AKAP8L: variants seen among roughly 807,000 people sequenced by gnomAD.
AKAP8L encodes A-kinase anchoring protein 8 like, also known as A-kinase anchor protein 8-like.
A neutral mutation model predicts 77.5 loss-of-function variants in AKAP8L; 34 were observed. That is an observed-to-expected ratio of 0.44 (90% CI 0.33 to 0.58). The LOEUF (loss-of-function observed/expected upper bound fraction) is 0.58. Ranked by LOEUF, AKAP8L falls within the 20% of genes least tolerant of loss-of-function variation. The probability of loss-of-function intolerance (pLI) is 0.02; values close to 1 mark genes in which losing one functional copy is unlikely to be tolerated. For synonymous variants in AKAP8L, 342 were observed against 340.7 expected (o/e 1.00, Z -0.04); for missense variants, 806 against 887.6 (o/e 0.91, Z 1.17).
chr19:15,394,992 GT>G (rs1967739755), intron 12 of AKAP8L, among the ~76,000 whole-genome samples: 1 of 145,934 alleles, frequency 6.9e-6, no homozygotes, highest in South Asian at 2.1e-4. Context: ...TTAGGATCAA[GT>G]TTGAGTTTAT....
chr19:15,399,647 A>C lies in AKAP8L; in HGVS notation c.1049-237T>G, dbSNP rs1429956527. 1 of 556,872 alleles carries C rather than the reference A, an allele frequency of 1.8e-6. No homozygotes were observed. Among genetic ancestry groups the C allele is most frequent in the African/African-American group, 1.9e-5 (1 of 52,822 alleles). 34.5% of individuals were successfully genotyped at this position (556,872 alleles called of 1,614,324 possible). ...GACCCCTCCACTCTCCAGGACACCC[A>C]TGCTCTCTGTGCAGTGGGCCAGGAG... On this transcript the variant is annotated intron_variant, in intron 8 of 13. Transcript: ENST00000397410. The surrounding 1 kb of genome is among the most constrained non-coding windows in gnomAD (Gnocchi z 6.1).
chr19:15,401,092 C>T lies in AKAP8L; in HGVS notation c.817-49G>A, dbSNP rs1967886952. 6.2e-7 allele frequency: 1 copy of T among 1,607,824 alleles called. No individual in the cohort carries two copies. Among genetic ancestry groups the T allele is most frequent in the East Asian group, 2.2e-5 (1 of 44,868 alleles). On this transcript the variant is annotated intron_variant, in intron 5 of 13. Coordinates refer to ENST00000397410, the MANE Select transcript of AKAP8L (RefSeq NM_014371.4). The surrounding 1 kb of genome is among the most constrained non-coding windows in gnomAD (Gnocchi z 6.2). Reference sequence around the variant, plus strand: ...GTGTCAGGGTGCATGGCACCCGGCCCTTAGCTCCGCCCCAGTGGGAACTAA... The same window carrying T: ...GTGTCAGGGTGCATGGCACCCGGCCTTTAGCTCCGCCCCAGTGGGAACTAA...
intron 12 of AKAP8L, among the ~76,000 whole-genome samples, chr19:15,381,731 T>C (rs1035878111): frequency 2.6e-5 from 4 of 152,162 alleles, no homozygotes; most frequent in African/African-American, 9.7e-5. Flanking sequence ...CTATAGACCG[T>C]TCCCCCAGTG....
chr19:15,400,697 C>CTCTGCGTGCATGG, intron 7 of AKAP8L, 97 bp downstream of exon 7: 1 of 1,414,476 alleles, frequency 7.1e-7, no homozygotes, highest in Non-Finnish European at 9.8e-7. Context: ...GCACGCAGAG[C>CTCTGCGTGCATGG]TGACACAGCA....
Position 15,403,811 on chromosome 19 carries a change from G to T in AKAP8L, c.122-96C>A, listed in dbSNP as rs927468852. ...AAACACAGATACAAGGGTATCTTCT[G>T]TCACAGAGAGAGAAGACCCTAGCCA... On this transcript the variant is annotated intron_variant, in intron 3 of 13. Transcript: ENST00000397410. The surrounding 1 kb of genome is among the most constrained non-coding windows in gnomAD (Gnocchi z 4.3). The T allele has an allele frequency of 8.8e-7, 1 of 1,141,102 alleles. No individual in the cohort carries two copies. Among genetic ancestry groups the T allele is most frequent in the Non-Finnish European group, 1.3e-6 (1 of 781,150 alleles). 70.7% of individuals were successfully genotyped at this position (1,141,102 alleles called of 1,614,324 possible).
At chr19:15,400,906 G>C in intron 6 of AKAP8L, 41 bp downstream of exon 6, 1 of 1,613,954 alleles carries the variant, frequency 6.2e-7, no homozygotes, top group Non-Finnish European at 8.5e-7. Flanking sequence ...GGAGTTCCCA[G>C]AGGCAGGGGG....
chr19:15,384,505 G>A (rs946254862), intron 12 of AKAP8L, among the ~76,000 whole-genome samples: 5 of 151,370 alleles, frequency 3.3e-5, no homozygotes, highest in Non-Finnish European at 7.4e-5. Flanking sequence ...TCATTATGTT[G>A]GCCAGGCTGG....
chr19:15,398,459 G>A lies in AKAP8L; in HGVS notation c.1158-604C>T, dbSNP rs1967822473. 2 of 458,026 alleles carry A rather than the reference G, an allele frequency of 4.4e-6. No homozygotes were observed. Among genetic ancestry groups the A allele is most frequent in the Non-Finnish European group, 5.8e-6 (2 of 347,270 alleles). 28.4% of individuals were successfully genotyped at this position (458,026 alleles called of 1,614,324 possible). ...GAGACCAGTCTGAGCTGGAAGGAGG[G>A]CGCCCGCTCGGCCTGCCAGAGGGCA... is the stretch of plus-strand genomic sequence containing the variant. On this transcript the variant is annotated intron_variant, in intron 9 of 13. Transcript: ENST00000397410. This position sits in a 1 kb window ranked among gnomAD's most constrained non-coding sequence, Gnocchi z 9.2.
intron 1 of AKAP8L, among the ~76,000 whole-genome samples, chr19:15,415,746 T>C (rs369769198): frequency 9.2e-5 from 14 of 151,692 alleles, no homozygotes; most frequent in Admixed American, 2.0e-4. Flanking sequence ...ATTAGCCGGG[T>C]GTGGTGGCGG....
chr19:15,409,360 G>A (rs191715828), intron 2 of AKAP8L, among the ~76,000 whole-genome samples: 358 of 152,322 alleles, frequency 2.4e-3, no homozygotes, highest in African/African-American at 8.0e-3. Context: ...GGGCAGCACA[G>A]GGAAGTCAAG....
rs1967813922 is a variant in AKAP8L, at chr19:15,398,026, C to T, written c.1158-171G>A. 6 of 737,002 alleles carry T rather than the reference C, an allele frequency of 8.1e-6. No individual in the cohort carries two copies. The highest frequency in any genetic ancestry group is 1.8e-5 in the African/African-American group (1 of 56,318). The allele number at this position is 737,002 out of a possible 1,614,324, so 45.7% of individuals were successfully genotyped here. A position where few individuals can be genotyped will look rare whatever the true frequency, so the allele number is the denominator to read the frequency against. The stretch of plus-strand genomic sequence containing the variant: ...CCAGTGGGGTCGGGAGTAGAAAGGG[C>T]CAGAAAGTCTGCAGGCTGCAGTTAC... On this transcript the variant is annotated intron_variant, in intron 9 of 13. Transcript: ENST00000397410. This position sits in a 1 kb window ranked among gnomAD's most constrained non-coding sequence, Gnocchi z 9.2.
chr19:15,384,365 T>C (rs1301728841), intron 12 of AKAP8L, among the ~76,000 whole-genome samples: 2 of 149,328 alleles, frequency 1.3e-5, no homozygotes, highest in Non-Finnish European at 3.0e-5. Flanking sequence ...AATGGCGCGA[T>C]CTTGGCTCAC....
In AKAP8L at chr19:15,399,699, C is replaced by A; in HGVS notation, c.1049-289G>T. 2.2e-6 allele frequency: 1 copy of A among 449,364 alleles called. No individual in the cohort carries two copies. The highest frequency in any genetic ancestry group is 2.4e-5 in the South Asian group (1 of 41,194). 27.8% of individuals were successfully genotyped at this position (449,364 alleles called of 1,614,324 possible). On this transcript the variant is annotated intron_variant, in intron 8 of 13. Transcript: ENST00000397410. The surrounding 1 kb of genome is among the most constrained non-coding windows in gnomAD (Gnocchi z 6.1). ...AGGCTGGAAAGCAAAGAGGGGGTAT[C>A]TTTGTGGGGACACTGGCACATGTTC...
chr19:15,400,974 A>G lies in AKAP8L; in HGVS notation c.886T>C (p.Cys296Arg), dbSNP rs369200185. 1 of 1,613,964 alleles carries G rather than the reference A, an allele frequency of 6.2e-7. No individual in the cohort carries two copies. Among genetic ancestry groups the G allele is most frequent in the Non-Finnish European group, 8.5e-7 (1 of 1,179,876 alleles). Reference protein sequence around the residue: ...EPDSKATRTDCSDNSDSDNDE... With the variant: ...EPDSKATRTDRSDNSDSDNDE... ...TTGTCTGAGTCGCTGTTGTCCGAGC[A>G]GTCCGTGCGGGTGGCTTTGCTATCT... is the stretch of plus-strand genomic sequence containing the variant. The change falls in exon 6 of 14, where the codon TGC (cysteine) becomes CGC (arginine). Residue 296 changes from cysteine to arginine, a missense_variant. By Grantham distance (180) the Cys-to-Arg change is radical. Around this residue, in one of 2 missense-constraint regions of AKAP8L, gnomAD observed 580 missense variants for 694.1 expected, o/e 0.84. Coordinates refer to ENST00000397410, the MANE Select transcript of AKAP8L (RefSeq NM_014371.4).
At chr19:15,380,998 G>A (rs994220845) in intron 12 of AKAP8L, 1 of 190,742 alleles carries the variant, frequency 5.2e-6, no homozygotes, top group Non-Finnish European at 1.1e-5. Context: ...TGGGGCCAAC[G>A]GGGAAGATAT....
At chr19:15,395,767 G>A (rs1405746629) in intron 12 of AKAP8L, among the ~76,000 whole-genome samples, 13 of 145,660 alleles carry the variant, frequency 8.9e-5, no homozygotes, top group African/African-American at 3.2e-4. Context: ...GGCGGATCAC[G>A]AGGTCAGGAG....
Position 15,399,454 on chromosome 19 carries a change from G to T in AKAP8L, c.1049-44C>A. On this transcript the variant is annotated intron_variant, in intron 8 of 13. Transcript: ENST00000397410. The surrounding 1 kb of genome is among the most constrained non-coding windows in gnomAD (Gnocchi z 6.1). ...ACTGTCACCAATTTGGCTCTGCCAG[G>T]ACAGGGCAGGCCCTGCGGCCTCTGG... 6.9e-7 allele frequency: 1 copy of T among 1,457,564 alleles called. No individual in the cohort carries two copies. The highest frequency in any genetic ancestry group is 9.6e-7 in the Non-Finnish European group (1 of 1,038,212). 90.3% of individuals were successfully genotyped at this position (1,457,564 alleles called of 1,614,324 possible).
Position 15,399,888 on chromosome 19 carries a change from G to T in AKAP8L, c.1048+407C>A. ...ACGGAATCCCAACAGGGGCTGGAGA[G>T]GTGCTAAGGGAGAGGATACGCACAC... On this transcript the variant is annotated intron_variant, in intron 8 of 13. Coordinates refer to ENST00000397410, the MANE Select transcript of AKAP8L (RefSeq NM_014371.4). This position sits in a 1 kb window ranked among gnomAD's most constrained non-coding sequence, Gnocchi z 6.1. 3.1e-6 allele frequency: 1 copy of T among 318,840 alleles called. No homozygotes were observed. The highest frequency in any genetic ancestry group is 5.9e-6 in the Non-Finnish European group (1 of 169,220). The allele number at this position is 318,840 out of a possible 1,614,324, so 19.8% of individuals were successfully genotyped here.
rs766385440 is a variant in AKAP8L, at chr19:15,401,590, C to T, written c.376G>A (p.Glu126Lys). 1 of 1,595,348 alleles carries T rather than the reference C, an allele frequency of 6.3e-7. No individual in the cohort carries two copies. The highest frequency in any genetic ancestry group is 8.5e-7 in the Non-Finnish European group (1 of 1,172,014). The change falls in exon 5 of 14, where the codon GAG becomes AAG. Residue 126 changes from glutamate to lysine, a missense_variant. By Grantham distance (56) the Glu-to-Lys change is moderately conservative. Around this residue, in one of 2 missense-constraint regions of AKAP8L, gnomAD observed 580 missense variants for 694.1 expected, o/e 0.84. Coordinates refer to ENST00000397410, the MANE Select transcript of AKAP8L (RefSeq NM_014371.4). This position sits in a 1 kb window ranked among gnomAD's most constrained non-coding sequence, Gnocchi z 6.2. Reference sequence around the variant, plus strand: ...AGGACGGCCCTCGAGTCGCAGGACTCATAAGAGTCATACCTGCAGAGGCAT... The same window carrying T: ...AGGACGGCCCTCGAGTCGCAGGACTTATAAGAGTCATACCTGCAGAGGCAT... ...GSGGERYDSYESCDSRAVLSE... is the reference protein window; with the variant it reads ...GSGGERYDSYKSCDSRAVLSE...
Sources: gnomAD v4.1 joint callset for allele counts (sites outside exome capture counted in the v4.1 genomes callset) on GRCh38, gnomAD v4.1.1 for gene constraint, gnomAD v4.1.1 regional missense constraint, Gnocchi (gnomAD v3.1) non-coding constraint, MANE v1.5 for transcripts, NCBI Gene and HGNC (gene_info 2026-07-23, HGNC 2026-07-21) for gene names.